GRAMD1B: variants seen among roughly 807,000 people sequenced by gnomAD.
GRAMD1B encodes GRAM domain containing 1B.
In GRAMD1B, 37 loss-of-function variants were observed where a neutral mutation model predicts 99.7. The ratio of observed to expected loss-of-function variants is 0.37; its 90% CI spans 0.29 to 0.49. GRAMD1B has a LOEUF of 0.49. Ranked by LOEUF, GRAMD1B falls within the 20% of genes least tolerant of loss-of-function variation. The pLI, the probability that GRAMD1B is intolerant of heterozygous loss-of-function variation, is 0.98. For synonymous variants in GRAMD1B, 427 were observed against 387.6 expected (o/e 1.10, Z -1.19); for missense variants, 888 against 1,009.2 (o/e 0.88, Z 1.63).
intron 2 of GRAMD1B, among the ~76,000 whole-genome samples, chr11:123,542,600 G>A (rs143008285): frequency 2.0e-5 from 3 of 152,336 alleles, no homozygotes; most frequent in East Asian, 3.9e-4. Flanking sequence ...TGGGTTTGTG[G>A]AATGAGGTCA....
At position 123,543,453 on chromosome 11, in the gene GRAMD1B, G is replaced by T. The variant is rs981206120; in HGVS notation, c.453-33914G>T. On this transcript the variant is annotated intron_variant, in intron 2 of 19. Transcript: ENST00000635736. Reference sequence around the variant, plus strand: ...GGACATTGGTGTGGACACCTTGGGGGTGGCCATTCAACCCTCACTAAGTTG... The same window carrying T: ...GGACATTGGTGTGGACACCTTGGGGTTGGCCATTCAACCCTCACTAAGTTG... Among the ~76,000 whole-genome samples, 10 of 152,342 alleles carry T rather than the reference G, an allele frequency of 6.6e-5. No individual in the cohort carries two copies. In the East Asian group the frequency reaches 1.7e-3, roughly 26 times the overall value.
At chr11:123,576,729 A>G (rs1314289133) in intron 2 of GRAMD1B, among the ~76,000 whole-genome samples, 2 of 152,184 alleles carry the variant, frequency 1.3e-5, no homozygotes, top group African/African-American at 4.8e-5. Flanking sequence ...AGGAAATAAT[A>G]TGGTGTGGGT....
At chr11:123,412,518 A>G (rs1305043117) in intron 1 of GRAMD1B, among the ~76,000 whole-genome samples, 2 of 152,218 alleles carry the variant, frequency 1.3e-5, no homozygotes, top group Non-Finnish European at 2.9e-5. Flanking sequence ...GCCAGGATTC[A>G]TGCTCAGGTC....
At chr11:123,581,049 C>T (rs991996271) in intron 3 of GRAMD1B, among the ~76,000 whole-genome samples, 3 of 152,118 alleles carry the variant, frequency 2.0e-5, no homozygotes, top group Admixed American at 6.5e-5. Flanking sequence ...CTCCACACCC[C>T]GCACCTTACT....
rs563898244 is a variant in GRAMD1B at position 123,563,333 on chromosome 11, A to G, written c.453-14034A>G. ...GGTAAAGATTGGGTGGGGATGTTGTAGGAGAAGTGATTTTTAACTTCAGAG... is the reference window on the plus strand; with the variant it reads ...GGTAAAGATTGGGTGGGGATGTTGTGGGAGAAGTGATTTTTAACTTCAGAG... On this transcript the variant is annotated intron_variant, in intron 2 of 19. Transcript: ENST00000635736. 2.0e-3 allele frequency among the ~76,000 whole-genome samples: 306 copies of G among 152,330 alleles called. 1 individual carries two copies. The highest frequency in any genetic ancestry group is 6.9e-3 in the African/African-American group (285 of 41,578).
intron 2 of GRAMD1B, among the ~76,000 whole-genome samples, chr11:123,494,622 C>T (rs1939008867): frequency 6.6e-6 from 1 of 152,118 alleles, no homozygotes; most frequent in Non-Finnish European, 1.5e-5. Flanking sequence ...TACTCTAGCC[C>T]TTCTTCTTTG....
intron 1 of GRAMD1B, among the ~76,000 whole-genome samples, chr11:123,443,671 C>T (rs1311379378): frequency 6.6e-6 from 1 of 152,044 alleles, no homozygotes; most frequent in African/African-American, 2.4e-5. Flanking sequence ...AGGTTGATCC[C>T]CTCCCAGGTT....
intron 1 of GRAMD1B, among the ~76,000 whole-genome samples, chr11:123,420,408 G>A (rs7115295): frequency 6.6e-5 from 10 of 152,172 alleles, no homozygotes; most frequent in African/African-American, 2.4e-4. Context: ...ATTATTAATG[G>A]CAAATGAGAA....
At chr11:123,547,596 C>T (rs987621980) in intron 2 of GRAMD1B, among the ~76,000 whole-genome samples, 1 of 152,204 alleles carries the variant, frequency 6.6e-6, no homozygotes, top group Admixed American at 6.5e-5. Flanking sequence ...AGACCTTTCT[C>T]CCCTTTTGCT....
chr11:123,547,952 T>C (rs373072244), intron 2 of GRAMD1B, among the ~76,000 whole-genome samples: 2 of 152,106 alleles, frequency 1.3e-5, no homozygotes, highest in African/African-American at 4.8e-5. Context: ...CTCCTGCATT[T>C]GTAGAGGACA....
chr11:123,547,910 G>A (rs1945173698), intron 2 of GRAMD1B, among the ~76,000 whole-genome samples: 1 of 152,088 alleles, frequency 6.6e-6, no homozygotes, highest in Non-Finnish European at 1.5e-5. Context: ...TGAGCTTTAT[G>A]GCCTTCACCT....
At chr11:123,501,045 C>T (rs1435988428) in intron 2 of GRAMD1B, among the ~76,000 whole-genome samples, 1 of 152,156 alleles carries the variant, frequency 6.6e-6, no homozygotes, top group Non-Finnish European at 1.5e-5. Context: ...TTATACAACT[C>T]TAAAAGGGAA....
intron 2 of GRAMD1B, among the ~76,000 whole-genome samples, chr11:123,574,693 A>G (rs767563102): frequency 6.6e-6 from 1 of 152,182 alleles, no homozygotes; most frequent in Non-Finnish European, 1.5e-5. Flanking sequence ...CTCTGTGTTC[A>G]GTGTGGGGCA....
chr11:123,595,981 G>GA lies in GRAMD1B; in HGVS notation c.919dup (p.Thr307AsnfsTer14). 6.2e-7 allele frequency: 1 copy of GA among 1,609,794 alleles called. No homozygotes were observed. Among genetic ancestry groups the GA allele is most frequent in the Non-Finnish European group, 8.5e-7 (1 of 1,178,036 alleles). ...GAAAGACATCTGTTCCATGACTAAA[G>GA]AAAAAACAGCTCGCCTCATTCCCAA... On this transcript the variant is annotated frameshift_variant, in exon 7 of 20. Transcript: ENST00000635736. LOFTEE classifies it high-confidence loss of function.
intron 7 of GRAMD1B, chr11:123,599,380 C>T: frequency 1.5e-6 from 1 of 683,388 alleles, no homozygotes; most frequent in Non-Finnish European, 2.8e-6. Flanking sequence ...GTGAGCATCT[C>T]TTTGGCCATG....
chr11:123,570,174 G>A (rs1371359331), intron 2 of GRAMD1B, among the ~76,000 whole-genome samples: 1 of 152,168 alleles, frequency 6.6e-6, no homozygotes, highest in Non-Finnish European at 1.5e-5. Flanking sequence ...GAGTGCTTCA[G>A]AATCAGCCGT....
intron 2 of GRAMD1B, among the ~76,000 whole-genome samples, chr11:123,556,766 A>C (rs1040206298): frequency 3.9e-5 from 6 of 152,244 alleles, no homozygotes; most frequent in African/African-American, 7.2e-5. Context: ...CCGGAGGCGT[A>C]AGTTCCGTTT....
Position 123,591,446 on chromosome 11 carries a change from G to A in GRAMD1B, c.685-2636G>A, listed in dbSNP as rs1950632726. The A allele has an allele frequency of 2.5e-6, 1 of 398,978 alleles. No individual in the cohort carries two copies. The highest frequency in any genetic ancestry group is 4.4e-5 in the Admixed American group (1 of 22,720). The allele number at this position is 398,978 out of a possible 1,614,324, so 24.7% of individuals were successfully genotyped here. ...CCTCTGGAGCCTTCTGCTGGAGCAG[G>A]AGAGCCAGCTGCTGCAGTGGTACCT... On this transcript the variant is annotated intron_variant, in intron 4 of 19. Coordinates refer to ENST00000635736, the MANE Select transcript of GRAMD1B (RefSeq NM_001387025.1). This position sits in a 1 kb window ranked among gnomAD's most constrained non-coding sequence, Gnocchi z 4.7.
intron 1 of GRAMD1B, among the ~76,000 whole-genome samples, chr11:123,362,099 C>T (rs1163827150): frequency 6.6e-6 from 1 of 152,210 alleles, no homozygotes. Flanking sequence ...CATCTTTCCT[C>T]TTAGGTGTTC....
Sources: allele counts gnomAD v4.1 joint callset (sites outside exome capture counted in the v4.1 genomes callset), GRCh38; gene constraint gnomAD v4.1.1; non-coding constraint Gnocchi (gnomAD v3.1); transcripts MANE v1.5; gene names NCBI Gene and HGNC (gene_info 2026-07-23, HGNC 2026-07-21).